The following EFEMP1 variants were observed in gnomAD, a reference collection of about 807,000 sequenced individuals.
EFEMP1 encodes EGF-containing fibulin-like extracellular matrix protein 1.
In EFEMP1, 18 loss-of-function variants were observed where a neutral mutation model predicts 65.7. The observed-to-expected ratio is 0.27, with a 90% confidence interval of 0.19 to 0.41. EFEMP1 has a LOEUF of 0.41. Ranked by LOEUF, EFEMP1 falls within the 10% of genes least tolerant of loss-of-function variation. EFEMP1 has a pLI of 1.00. For synonymous variants in EFEMP1, 237 were observed against 219.7 expected (o/e 1.08, Z -0.70); for missense variants, 469 against 624.8 (o/e 0.75, Z 2.66).
intron 8 of EFEMP1, 150 bp downstream of exon 8, chr2:55,876,473 G>T (rs2104382653): frequency 2.9e-6 from 3 of 1,046,426 alleles, no homozygotes; most frequent in Middle Eastern, 3.3e-4. Context: ...CACTAAAAAG[G>T]CAATGTAACA....
At position 55,885,611 on chromosome 2, in the gene EFEMP1, C is replaced by T. The variant is rs146249281; in HGVS notation, c.518-3877G>A. 3.8e-4 allele frequency among the ~76,000 whole-genome samples: 58 copies of T among 152,312 alleles called. No individual in the cohort carries two copies. The East Asian group carries it at 9.8e-3, about 26-fold the overall frequency. ...CCCTCATTTTTCAAAAATGTGCCCACGTGCTCCCTCCTAGTGATTTATACT... is the reference window on the plus strand; with the variant it reads ...CCCTCATTTTTCAAAAATGTGCCCATGTGCTCCCTCCTAGTGATTTATACT... On this transcript the variant is annotated intron_variant, in intron 5 of 11. Transcript: ENST00000355426. This position sits in a 1 kb window ranked among gnomAD's most constrained non-coding sequence, Gnocchi z 4.3.
At chr2:55,872,313 G>A (rs557601661) in intron 9 of EFEMP1, among the ~76,000 whole-genome samples, 3 of 152,092 alleles carry the variant, frequency 2.0e-5, no homozygotes, top group East Asian at 1.9e-4. Context: ...TCTCATACCC[G>A]GTGTTCTTTT....
chr2:55,875,367 T>TAC (rs1668992503), intron 8 of EFEMP1, among the ~76,000 whole-genome samples: 1 of 101,438 alleles, frequency 9.9e-6, no homozygotes, highest in African/African-American at 5.1e-5. Flanking sequence ...CACACACACA[T>TAC]ATATATTTTT....
rs148071096 is a variant in EFEMP1, at chr2:55,893,744, G to C, written c.518-12010C>G. 1.6e-3 allele frequency among the ~76,000 whole-genome samples: 237 copies of C among 152,278 alleles called. 1 individual carries two copies. Among genetic ancestry groups the C allele is most frequent in the African/African-American group, 5.3e-3 (220 of 41,556 alleles). On this transcript the variant is annotated intron_variant, in intron 5 of 11. Transcript: ENST00000355426. ...GCTATATACAGATGGAAGGAAGCAA[G>C]AACACTGCAGGAAGTTGGGGTTTTT...
chr2:55,870,935 T>C lies in EFEMP1; in HGVS notation c.1125-20A>G. On this transcript the variant is annotated intron_variant, in intron 10 of 11. Transcript: ENST00000355426. This position sits in a 1 kb window ranked among gnomAD's most constrained non-coding sequence, Gnocchi z 5.8. ...CATCGGCTGCAGAGACAAACAAAAGTATTCAGCAGTTTGGCTTGGTAAGAC... is the reference window on the plus strand; with the variant it reads ...CATCGGCTGCAGAGACAAACAAAAGCATTCAGCAGTTTGGCTTGGTAAGAC... 2 of 1,613,744 alleles carry C rather than the reference T, an allele frequency of 1.2e-6. No individual in the cohort carries two copies. The highest frequency in any genetic ancestry group is 1.7e-6 in the Non-Finnish European group (2 of 1,179,780).
chr2:55,867,613 G>T lies in EFEMP1; in HGVS notation c.1321-379C>A, dbSNP rs1426447817. On this transcript the variant is annotated intron_variant, in intron 11 of 11. Transcript: ENST00000355426. The surrounding 1 kb of genome is among the most constrained non-coding windows in gnomAD (Gnocchi z 4.3). ...TGTCACTTTTCATTTTCTCAACATT[G>T]TGCATCTGTTTACATTCTAGTAAGT... 1.3e-5 allele frequency among the ~76,000 whole-genome samples: 2 copies of T among 151,964 alleles called. No individual in the cohort carries two copies. Among genetic ancestry groups the T allele is most frequent in the African/African-American group, 4.8e-5 (2 of 41,364 alleles).
chr2:55,877,828 T>C lies in EFEMP1; in HGVS notation c.678A>G (p.Gln226=), dbSNP rs1462190904. ...DECTIPPYCH[Q]RCVNTPGSFY... is the part of the protein sequence containing the mutation. Reference sequence around the variant, plus strand: ...ATGAGCCTGGTGTATTCACGCATCTTTGGTGGCAATATGGAGGGATGGTAC... The same window carrying C: ...ATGAGCCTGGTGTATTCACGCATCTCTGGTGGCAATATGGAGGGATGGTAC... Residue 226 remains glutamine, a synonymous_variant, in exon 7 of 12, where the codon CAA becomes CAG. Transcript: ENST00000355426. This position sits in a 1 kb window ranked among gnomAD's most constrained non-coding sequence, Gnocchi z 4.5. The C allele has an allele frequency of 1.2e-6, 2 of 1,613,258 alleles. No individual in the cohort carries two copies. The highest frequency in any genetic ancestry group is 1.7e-4 in the Middle Eastern group (1 of 6,052).
Position 55,871,274 on chromosome 2 carries a change from C to A in EFEMP1, c.1001-151G>T. ...GCTTTTAGACACAAGACTGGGTGTT[C>A]ATTGTATTGAATTCAGGACAGACAG... On this transcript the variant is annotated intron_variant, in intron 9 of 11. Coordinates refer to ENST00000355426, the MANE Select transcript of EFEMP1 (RefSeq NM_001039348.3). The surrounding 1 kb of genome is among the most constrained non-coding windows in gnomAD (Gnocchi z 4.2). The A allele has an allele frequency of 9.7e-7, 1 of 1,035,324 alleles. No homozygotes were observed. The highest frequency in any genetic ancestry group is 2.5e-5 in the East Asian group (1 of 39,494). The allele number at this position is 1,035,324 out of a possible 1,614,324, so 64.1% of individuals were successfully genotyped here.
chr2:55,906,454 C>T (rs1005072736), intron 5 of EFEMP1, among the ~76,000 whole-genome samples: 1 of 146,466 alleles, frequency 6.8e-6, no homozygotes, highest in African/African-American at 2.5e-5. Flanking sequence ...GAACTCCTGA[C>T]CTCAAGTGAT....
intron 5 of EFEMP1, among the ~76,000 whole-genome samples, chr2:55,900,385 C>A (rs1669985859): frequency 6.6e-6 from 1 of 151,922 alleles, no homozygotes; most frequent in South Asian, 2.1e-4. Flanking sequence ...GGGTTGGCCT[C>A]TACCTGGCTG....
At chr2:55,911,779 C>T (rs1429605730) in intron 5 of EFEMP1, among the ~76,000 whole-genome samples, 1 of 152,122 alleles carries the variant, frequency 6.6e-6, no homozygotes, top group Non-Finnish European at 1.5e-5. Context: ...TATCCTTCCA[C>T]CTCTAACGGT....
rs922560376 is a variant in EFEMP1 at position 55,921,281 on chromosome 2, G to A, written c.81+1079C>T. Among the ~76,000 whole-genome samples, 38 of 152,276 alleles carry A rather than the reference G, an allele frequency of 2.5e-4. No individual in the cohort carries two copies. The highest frequency in any genetic ancestry group is 8.7e-4 in the African/African-American group (36 of 41,544). ...TTAACATGAAGTTAACAAAATATTT[G>A]TATTAAGCTATTTTATTTATAGTGG... On this transcript the variant is annotated intron_variant, in intron 3 of 11. Transcript: ENST00000355426. The surrounding 1 kb of genome is among the most constrained non-coding windows in gnomAD (Gnocchi z 4.1).
In EFEMP1 at chr2:55,919,382, T is replaced by G. The variant is rs1466102467; in HGVS notation, c.82-1115A>C. Among the ~76,000 whole-genome samples the G allele has an allele frequency of 6.6e-6, 1 of 152,038 alleles. No homozygotes were observed. Among genetic ancestry groups the G allele is most frequent in the African/African-American group, 2.4e-5 (1 of 41,396 alleles). ...TGGGCCCACCCAAAGGATTTGATTC[T>G]GTAGGTCTGGGTAGGGGGCCTGGAA... On this transcript the variant is annotated intron_variant, in intron 3 of 11. Transcript: ENST00000355426. This position sits in a 1 kb window ranked among gnomAD's most constrained non-coding sequence, Gnocchi z 4.5.
intron 6 of EFEMP1, among the ~76,000 whole-genome samples, chr2:55,879,349 G>T (rs1669151858): frequency 6.6e-6 from 1 of 152,080 alleles, no homozygotes; most frequent in Non-Finnish European, 1.5e-5. Flanking sequence ...CTATCATCAG[G>T]TGCTAGTATT....
chr2:55,922,547 G>T lies in EFEMP1; in HGVS notation c.-7-100C>A. ...CAAGCGAGGAAAGGAGGGTGGGAGA[G>T]GCTGAGGCTCCACCATACTCAACTT... On this transcript the variant is annotated intron_variant, in intron 2 of 11. Transcript: ENST00000355426. The surrounding 1 kb of genome is among the most constrained non-coding windows in gnomAD (Gnocchi z 5.5). The T allele has an allele frequency of 9.3e-7, 1 of 1,075,396 alleles. No individual in the cohort carries two copies. The highest frequency in any genetic ancestry group is 1.4e-6 in the Non-Finnish European group (1 of 706,644). 66.6% of individuals were successfully genotyped at this position (1,075,396 alleles called of 1,614,324 possible).
intron 9 of EFEMP1, among the ~76,000 whole-genome samples, 165 bp downstream of exon 9, chr2:55,874,781 T>G (rs1358216993): frequency 1.3e-5 from 2 of 151,990 alleles, no homozygotes; most frequent in Non-Finnish European, 2.9e-5. Flanking sequence ...TAGAATCACC[T>G]CTTTATGAGA....
At chr2:55,899,592 A>G (rs1669956398) in intron 5 of EFEMP1, among the ~76,000 whole-genome samples, 2 of 152,224 alleles carry the variant, frequency 1.3e-5, no homozygotes, top group African/African-American at 4.8e-5. Context: ...TTTAATGCGT[A>G]TGGGGCAAAA....
chr2:55,869,014 A>G (rs1668696981), intron 11 of EFEMP1, among the ~76,000 whole-genome samples: 1 of 152,158 alleles, frequency 6.6e-6, no homozygotes, highest in African/African-American at 2.4e-5. Context: ...TTTCTTTCAA[A>G]TAATTTAACA....
rs1670981318 is a variant in EFEMP1 at position 55,923,364 on chromosome 2, C to G, written c.-49+347G>C. On this transcript the variant is annotated intron_variant, in intron 1 of 11. Coordinates refer to ENST00000355426, the MANE Select transcript of EFEMP1 (RefSeq NM_001039348.3). The surrounding 1 kb of genome is among the most constrained non-coding windows in gnomAD (Gnocchi z 5.3). ...GCGGCGGTCCCCTGGAGCTGCTCAG[C>G]GTCCCAGCTTCTAACCAGCTCCTAT... 6.6e-6 allele frequency among the ~76,000 whole-genome samples: 1 copy of G among 152,164 alleles called. No individual in the cohort carries two copies. The highest frequency in any genetic ancestry group is 1.5e-5 in the Non-Finnish European group (1 of 68,034).
Sources: allele counts gnomAD v4.1 joint callset (sites outside exome capture counted in the v4.1 genomes callset), GRCh38; gene constraint gnomAD v4.1.1; non-coding constraint Gnocchi (gnomAD v3.1); transcripts MANE v1.5; gene names NCBI Gene and HGNC (gene_info 2026-07-23, HGNC 2026-07-21).